The following PRMT8 variants were observed in gnomAD, a reference collection of about 807,000 sequenced individuals.
PRMT8 encodes the protein protein arginine methyltransferase 8.
Under a neutral mutation model 47.1 loss-of-function variants are expected in PRMT8, and 7 were observed. The observed-to-expected ratio is 0.15, with a 90% CI of 0.08 to 0.28. PRMT8 has a LOEUF of 0.28. Among genes scored for constraint, PRMT8 ranks in the 10% least tolerant of loss-of-function variants. PRMT8 has a pLI of 1.00. For missense variants in PRMT8, 237 were observed against 505.4 expected (o/e 0.47, Z 5.09); for synonymous variants, 188 against 186.5 (o/e 1.01, Z -0.07).
chr12:3,571,152 T>A (rs970509636), intron 6 of PRMT8, among the ~76,000 whole-genome samples: 2 of 152,248 alleles, frequency 1.3e-5, no homozygotes, highest in Non-Finnish European at 2.9e-5. Flanking sequence ...TCTGACTGTG[T>A]AGCTAAGCCC....
intron 1 of PRMT8, among the ~76,000 whole-genome samples, chr12:3,383,773 A>G (rs1216767450): frequency 2.0e-5 from 3 of 152,240 alleles, no homozygotes; most frequent in Non-Finnish European, 2.9e-5. Flanking sequence ...ATGGACTAAG[A>G]CAAAGCCCTT....
chr12:3,565,872 G>A (rs561623172), intron 4 of PRMT8, among the ~76,000 whole-genome samples: 9 of 152,280 alleles, frequency 5.9e-5, no homozygotes, highest in African/African-American at 2.2e-4. Context: ...CTCCTTGTCT[G>A]TTTCCTGCAG....
intron 1 of PRMT8, among the ~76,000 whole-genome samples, chr12:3,532,780 C>T (rs991600620): frequency 6.6e-6 from 1 of 152,102 alleles, no homozygotes; most frequent in African/African-American, 2.4e-5. Context: ...ATCAGAATCA[C>T]CTGCTGGGAC....
chr12:3,512,927 T>C (rs1338918829), intron 1 of PRMT8, among the ~76,000 whole-genome samples: 1 of 152,162 alleles, frequency 6.6e-6, no homozygotes, highest in Admixed American at 6.5e-5. Flanking sequence ...AGTGAGCTGC[T>C]TGTGAATGAA....
intron 1 of PRMT8, among the ~76,000 whole-genome samples, chr12:3,473,792 G>A (rs1391003820): frequency 6.6e-6 from 1 of 151,962 alleles, no homozygotes; most frequent in African/African-American, 2.4e-5. Context: ...ATCATCCCAT[G>A]AGCCCCAGCC....
At chr12:3,398,692 C>A (rs1864287834) in intron 1 of PRMT8, among the ~76,000 whole-genome samples, 2 of 152,114 alleles carry the variant, frequency 1.3e-5, no homozygotes, top group South Asian at 4.2e-4. Context: ...CATTTTTTCT[C>A]CTGTGCTGGA....
chr12:3,405,075 GA>G lies in PRMT8; in HGVS notation c.48+23640del, dbSNP rs553396018. ...ACCCGAGACTGGGTAATTTATAAAGGAAAAAAACTTCAATTGAGTCACAGTT... is the reference window on the plus strand; with the variant it reads ...ACCCGAGACTGGGTAATTTATAAAGGAAAAAACTTCAATTGAGTCACAGTT... On this transcript the variant is annotated intron_variant, in intron 1 of 9. Transcript: ENST00000452611. 9.2e-5 allele frequency among the ~76,000 whole-genome samples: 14 copies of G among 152,196 alleles called. No individual in the cohort carries two copies. The East Asian group carries it at 1.9e-3, about 21-fold the overall frequency.
At chr12:3,507,048 A>T (rs189950724) in intron 1 of PRMT8, among the ~76,000 whole-genome samples, 3 of 151,976 alleles carry the variant, frequency 2.0e-5, no homozygotes, top group Non-Finnish European at 4.4e-5. Flanking sequence ...AAATTCCTCA[A>T]TTAGGGCCCC....
intron 4 of PRMT8, among the ~76,000 whole-genome samples, chr12:3,561,466 G>T (rs1008494270): frequency 2.0e-5 from 3 of 152,158 alleles, no homozygotes; most frequent in African/African-American, 7.2e-5. Context: ...ACACCAAGTT[G>T]TTAGAGTTGG....
rs141157400 is a variant in PRMT8, at chr12:3,560,409, G to A, written c.481+6695G>A. Among the ~76,000 whole-genome samples the A allele has an allele frequency of 4.8e-3, 738 of 152,310 alleles. 3 individuals are homozygous for A. The highest frequency in any genetic ancestry group is 8.1e-3 in the Non-Finnish European group (550 of 68,024). Reference sequence around the variant, plus strand: ...CACACACCCACAGGAAGCCACCTGCGGCAGGCACGCAGCCTTCACATGGCT... The same window carrying A: ...CACACACCCACAGGAAGCCACCTGCAGCAGGCACGCAGCCTTCACATGGCT... On this transcript the variant is annotated intron_variant, in intron 4 of 9. Transcript: ENST00000382622.
At chr12:3,568,999 T>A in intron 5 of PRMT8, 151 bp downstream of exon 5, 1 of 1,093,788 alleles carries the variant, frequency 9.1e-7, no homozygotes, top group Non-Finnish European at 1.3e-6. Flanking sequence ...AGCAGATCTG[T>A]ATCAGGGAAC....
chr12:3,545,819 C>A (rs536180897), intron 2 of PRMT8, among the ~76,000 whole-genome samples: 1 of 152,104 alleles, frequency 6.6e-6, no homozygotes, highest in African/African-American at 2.4e-5. Context: ...CAAAAAAAAT[C>A]GGTAAGAATG....
intron 1 of PRMT8, among the ~76,000 whole-genome samples, chr12:3,518,993 A>C (rs557645897): frequency 6.9e-6 from 1 of 144,820 alleles, no homozygotes; most frequent in East Asian, 1.9e-4. Context: ...GTAAGAAGAG[A>C]AAAAAAGTTT....
chr12:3,540,939 G>A (rs578229912), intron 2 of PRMT8, 148 bp downstream of exon 2: 17 of 992,746 alleles, frequency 1.7e-5, no homozygotes, highest in South Asian at 1.5e-4. Flanking sequence ...TCTCCAATCC[G>A]GGGGGCCCCT....
At chr12:3,420,802 G>A (rs1472075174) in intron 1 of PRMT8, among the ~76,000 whole-genome samples, 1 of 152,236 alleles carries the variant, frequency 6.6e-6, no homozygotes, top group African/African-American at 2.4e-5. Context: ...GTCCGTTTCT[G>A]TGGATAGATG....
rs574697618 is a variant in PRMT8 at position 3,538,302 on chromosome 12, G to A, written c.76-2304G>A. Reference sequence around the variant, plus strand: ...TCCAGCATCTATCAGAGACAATAAGGGTCTTAGAATCTAGAAAACAGGGTC... The same window carrying A: ...TCCAGCATCTATCAGAGACAATAAGAGTCTTAGAATCTAGAAAACAGGGTC... On this transcript the variant is annotated intron_variant, in intron 1 of 9. Transcript: ENST00000382622. The surrounding 1 kb of genome is among the most constrained non-coding windows in gnomAD (Gnocchi z 4.6). 4 of 205,996 alleles carry A rather than the reference G, an allele frequency of 1.9e-5. No homozygotes were observed. The South Asian group carries it at 3.6e-4, about 19-fold the overall frequency. 12.8% of individuals were successfully genotyped at this position (205,996 alleles called of 1,614,324 possible).
At chr12:3,387,429 C>G (rs189433533) in intron 1 of PRMT8, among the ~76,000 whole-genome samples, 1 of 152,192 alleles carries the variant, frequency 6.6e-6, no homozygotes, top group African/African-American at 2.4e-5. Flanking sequence ...TCCCTTTTTT[C>G]TTGGTATTTC....
In PRMT8 at chr12:3,586,228, T is replaced by C. The variant is rs960490193; in HGVS notation, c.979+3020T>C. On this transcript the variant is annotated intron_variant, in intron 8 of 9. Coordinates refer to ENST00000382622, the MANE Select transcript of PRMT8 (RefSeq NM_019854.5). ...AGGGATGACATTCTTCATGGTCCCA[T>C]GTGGAGGAGCCTGGATTAAGCTCAC... Among the ~76,000 whole-genome samples, 6 of 152,136 alleles carry C rather than the reference T, an allele frequency of 3.9e-5. No individual in the cohort carries two copies. In the East Asian group the frequency reaches 7.7e-4, roughly 20 times the overall value.
chr12:3,540,613 G>GCCCCCCCCGC lies in PRMT8; in HGVS notation c.90_91insCGCCCCCCCC (p.Ser31ArgfsTer14). On this transcript the variant is annotated frameshift_variant, in exon 2 of 10. Coordinates refer to ENST00000382622, the MANE Select transcript of PRMT8 (RefSeq NM_019854.5). LOFTEE classifies it high-confidence loss of function. The stretch of plus-strand genomic sequence containing the variant: ...CCCTTCTCTTCCCCTCAGGTGAACA[G>GCCCCCCCCGC]CCCCCCCTCCCAGCCCCCCCAGCCC... 13 of 1,130,522 alleles carry GCCCCCCCCGC rather than the reference G, an allele frequency of 1.1e-5. No homozygotes were observed. Among genetic ancestry groups the GCCCCCCCCGC allele is most frequent in the Non-Finnish European group, 1.7e-5 (13 of 752,492 alleles). 70.0% of individuals were successfully genotyped at this position (1,130,522 alleles called of 1,614,324 possible).
Sources: allele counts gnomAD v4.1 joint callset (sites outside exome capture counted in the v4.1 genomes callset), GRCh38; gene constraint gnomAD v4.1.1; non-coding constraint Gnocchi (gnomAD v3.1); transcripts MANE v1.5; gene names NCBI Gene and HGNC (gene_info 2026-07-23, HGNC 2026-07-21).